SGCD: variants seen among roughly 807,000 people sequenced by gnomAD.
The protein encoded by SGCD is delta-sarcoglycan.
A neutral mutation model predicts 36.6 loss-of-function variants in SGCD; 18 were observed. That is an observed-to-expected ratio of 0.49 (90% CI 0.34 to 0.73). SGCD has a LOEUF of 0.73. Ranked by LOEUF, SGCD falls within the 30% of genes least tolerant of loss-of-function variation. SGCD has a pLI of 0.01. For synonymous variants in SGCD, 133 were observed against 130.6 expected, an observed-to-expected ratio of 1.02 and a Z score of -0.12; for missense variants, 387 against 346.7, an observed-to-expected ratio of 1.12 and a Z score of -0.92.
At chr5:156,561,632 G>A (rs1488218239) in intron 4 of SGCD, among the ~76,000 whole-genome samples, 2 of 152,166 alleles carry the variant, frequency 1.3e-5, no homozygotes, top group African/African-American at 4.8e-5. Flanking sequence ...CAACCTAATG[G>A]TGTTGAATAG....
At chr5:156,494,335 A>G (rs1316537659) in intron 3 of SGCD, among the ~76,000 whole-genome samples, 1 of 136,290 alleles carries the variant, frequency 7.3e-6, no homozygotes, top group Non-Finnish European at 1.6e-5. Flanking sequence ...ATCCCCTCCT[A>G]TTTTTTTTTT....
At chr5:156,712,303 G>T (rs1686591412) in intron 7 of SGCD, among the ~76,000 whole-genome samples, 1 of 152,146 alleles carries the variant, frequency 6.6e-6, no homozygotes, top group South Asian at 2.1e-4. Context: ...TCTGGCCAGT[G>T]GTTCCAGGAT....
chr5:156,297,045 A>C (rs1766915276), intron 3 of SGCD, among the ~76,000 whole-genome samples: 1 of 151,346 alleles, frequency 6.6e-6, no homozygotes, highest in East Asian at 1.9e-4. Flanking sequence ...ATATATATAT[A>C]TGGGATATAT....
At chr5:155,890,801 C>G (rs1365886542) in intron 1 of SGCD, among the ~76,000 whole-genome samples, 1 of 152,010 alleles carries the variant, frequency 6.6e-6, no homozygotes, top group South Asian at 2.1e-4. Flanking sequence ...TATGAATGAA[C>G]CCCCACCTAC....
chr5:155,911,807 C>T (rs937212293), intron 1 of SGCD, among the ~76,000 whole-genome samples: 2 of 152,040 alleles, frequency 1.3e-5, no homozygotes, highest in African/African-American at 4.8e-5. Context: ...GAGGATGGCC[C>T]TGCACTCCAG....
chr5:156,105,988 G>A (rs1277976114), intron 1 of SGCD, among the ~76,000 whole-genome samples: 1 of 151,722 alleles, frequency 6.6e-6, no homozygotes, highest in Non-Finnish European at 1.5e-5. Flanking sequence ...ACAAGCGCCT[G>A]TAATCCCAGC....
At chr5:156,101,929 TGTGTGTGTGTGTGA>T (rs1377502333) in intron 1 of SGCD, among the ~76,000 whole-genome samples, 1 of 150,072 alleles carries the variant, frequency 6.7e-6, no homozygotes, top group African/African-American at 2.5e-5. Flanking sequence ...TGTGTGTGTG[TGTGTGTGTGTGTGA>T]GAGAGAGAGA....
At chr5:155,768,890 G>A in the SGCD span, among the ~76,000 whole-genome samples, 116 of 152,230 alleles carry the variant, frequency 7.6e-4, no homozygotes, top group Middle Eastern at 3.4e-3. Flanking sequence ...CTCTGGAAAG[G>A]TTTAGTTGTT....
the SGCD span, among the ~76,000 whole-genome samples, chr5:155,827,845 A>ATTTTTTTTTTT: frequency 8.0e-6 from 1 of 124,932 alleles, no homozygotes; most frequent in African/African-American, 3.0e-5. Flanking sequence ...CACCTGGCTA[A>ATTTTTTTTTTT]TTTTTTTTTT....
chr5:156,297,438 C>A (rs1231242725), intron 3 of SGCD, among the ~76,000 whole-genome samples: 1 of 151,926 alleles, frequency 6.6e-6, no homozygotes, highest in Non-Finnish European at 1.5e-5. Context: ...CACATATACA[C>A]CATGGAATAC....
intron 2 of SGCD, among the ~76,000 whole-genome samples, chr5:156,334,555 T>G (rs1328477935): frequency 6.6e-6 from 1 of 151,664 alleles, no homozygotes; most frequent in Admixed American, 6.6e-5. Context: ...TTCCCATGCT[T>G]TTAAATATTG....
intron 1 of SGCD, among the ~76,000 whole-genome samples, chr5:156,071,512 C>G (rs552572037): frequency 3.1e-4 from 47 of 152,230 alleles, no homozygotes; most frequent in African/African-American, 1.1e-3. Context: ...GTTGTAATTT[C>G]TGTTCTTTTA....
intron 3 of SGCD, among the ~76,000 whole-genome samples, chr5:156,215,762 G>C (rs1179072065): frequency 6.6e-6 from 1 of 152,098 alleles, no homozygotes; most frequent in Non-Finnish European, 1.5e-5. Flanking sequence ...ATGTAAAATT[G>C]AGTGGAGGTC....
Position 155,996,906 on chromosome 5 carries a change from T to TAGATAGATAGATAGACAGAC in SGCD, c.-281-120969_-281-120968insTAGATAGATAGACAGACAGA, listed in dbSNP as rs1472624095. Among the ~76,000 whole-genome samples the TAGATAGATAGATAGACAGAC allele has an allele frequency of 1.9e-4, 27 of 141,900 alleles. 1 individual carries two copies. Among genetic ancestry groups the TAGATAGATAGATAGACAGAC allele is most frequent in the Admixed American group, 7.0e-4 (10 of 14,224 alleles). The allele number at this position is 141,900 out of a possible 152,430, so 93.1% of individuals were successfully genotyped here. On this transcript the variant is annotated intron_variant, in intron 1 of 9. Transcript: ENST00000517913. ...ATAGATAGATAGATAGATAGATAGA[T>TAGATAGATAGATAGACAGAC]AGACAGACAGACAGGCAGGCAGACA... is the stretch of plus-strand genomic sequence containing the variant.
intron 7 of SGCD, among the ~76,000 whole-genome samples, chr5:156,747,727 T>C (rs2113125172): frequency 6.6e-6 from 1 of 152,220 alleles, no homozygotes; most frequent in South Asian, 2.1e-4. Context: ...ATATTCTACT[T>C]GTGTAGAAGG....
At chr5:156,340,627 G>A (rs192717092) in intron 2 of SGCD, among the ~76,000 whole-genome samples, 3 of 152,336 alleles carry the variant, frequency 2.0e-5, no homozygotes, top group South Asian at 2.1e-4. Context: ...AGGGTTTAGC[G>A]AGTTGCAGTT....
intron 7 of SGCD, among the ~76,000 whole-genome samples, chr5:156,723,674 G>C (rs1179261014): frequency 3.3e-5 from 5 of 152,206 alleles, no homozygotes; most frequent in Non-Finnish European, 5.9e-5. Flanking sequence ...TCTTGAGGAT[G>C]AGCAGGAGAA....
chr5:155,909,990 T>TAAAGGATAATGGATAATGGATAAAG (rs1756598427), intron 1 of SGCD, among the ~76,000 whole-genome samples: 1 of 152,158 alleles, frequency 6.6e-6, no homozygotes, highest in Admixed American at 6.6e-5. Flanking sequence ...AATGGAAGGC[T>TAAAGGATAATGGATAATGGATAAAG]GATGATATCT....
chr5:156,460,410 A>T (rs115496788), intron 3 of SGCD, among the ~76,000 whole-genome samples: 1,594 of 152,302 alleles, frequency 0.01, 24 homozygotes, highest in African/African-American at 0.035. Context: ...TTGGAGTTCA[A>T]AGATGGGAAA....
Sources: gnomAD v4.1 joint callset for allele counts (sites outside exome capture counted in the v4.1 genomes callset) on GRCh38, gnomAD v4.1.1 for gene constraint, MANE v1.5 for transcripts, NCBI Gene and HGNC (gene_info 2026-07-23, HGNC 2026-07-21) for gene names.